GRIK4: variants seen among roughly 807,000 people sequenced by gnomAD.
GRIK4 encodes glutamate ionotropic receptor kainate type subunit 4.
Under a neutral mutation model 104.9 loss-of-function variants are expected in GRIK4, and 40 were observed. That is an observed-to-expected ratio of 0.38 (90% confidence interval 0.30 to 0.50). The LOEUF (loss-of-function observed/expected upper bound fraction) is 0.50. GRIK4 is among the 20% of genes least tolerant of loss of function. The probability of loss-of-function intolerance (pLI) is 0.93; values close to 1 mark genes in which losing one functional copy is unlikely to be tolerated. For missense variants in GRIK4, 1,047 were observed against 1,308.1 expected, an observed-to-expected ratio of 0.80 and a Z score of 3.08; for synonymous variants, 485 against 524.9, an observed-to-expected ratio of 0.92 and a Z score of 1.04.
In GRIK4 at chr11:120,952,844, TC is replaced by T; in HGVS notation, c.1591-9del. 6.3e-7 allele frequency: 1 copy of T among 1,588,838 alleles called. No individual in the cohort carries two copies. ...ATGTGCGGTGAATCTTGTTTTTCTCTCCATTTCCAGGGACGCAAACCCGGCT... is the reference window on the plus strand; with the variant it reads ...ATGTGCGGTGAATCTTGTTTTTCTCTCATTTCCAGGGACGCAAACCCGGCT... On this transcript the variant is annotated splice_polypyrimidine_tract_variant and intron_variant, in intron 14 of 20. Coordinates refer to ENST00000527524, the MANE Select transcript of GRIK4 (RefSeq NM_014619.5). This position sits in a 1 kb window ranked among gnomAD's most constrained non-coding sequence, Gnocchi z 5.2.
chr11:120,969,108 G>C (rs1218945073), intron 19 of GRIK4, among the ~76,000 whole-genome samples: 5 of 152,186 alleles, frequency 3.3e-5, no homozygotes, highest in Admixed American at 2.0e-4. Context: ...CTGGGAATAA[G>C]AAAGCTCTAC....
intron 3 of GRIK4, among the ~76,000 whole-genome samples, chr11:120,765,043 A>T (rs1245173913): frequency 6.6e-6 from 1 of 151,986 alleles, no homozygotes; most frequent in African/African-American, 2.4e-5. Flanking sequence ...TAATATCCTG[A>T]TGTGTGTTTT....
intron 1 of GRIK4, among the ~76,000 whole-genome samples, chr11:120,590,791 C>T (rs1948723746): frequency 6.6e-6 from 1 of 152,094 alleles, no homozygotes; most frequent in African/African-American, 2.4e-5. Context: ...TAGTATATGC[C>T]AGGCACCTTG....
At chr11:120,845,266 A>T (rs1191386276) in intron 8 of GRIK4, among the ~76,000 whole-genome samples, 1 of 152,346 alleles carries the variant, frequency 6.6e-6, no homozygotes, top group Non-Finnish European at 1.5e-5. Flanking sequence ...GCCCTGCCGT[A>T]CATTAGATGT....
intron 18 of GRIK4, among the ~76,000 whole-genome samples, chr11:120,965,129 A>C (rs149547332): frequency 5.3e-4 from 80 of 152,352 alleles, no homozygotes; most frequent in African/African-American, 1.6e-3. Context: ...ACTATGGAAT[A>C]AGCAATGTGG....
intron 3 of GRIK4, among the ~76,000 whole-genome samples, chr11:120,771,761 C>A (rs895973827): frequency 1.3e-5 from 2 of 152,200 alleles, no homozygotes; most frequent in African/African-American, 4.8e-5. Flanking sequence ...ACTATAGCTG[C>A]CCCAGGTGTG....
intron 3 of GRIK4, among the ~76,000 whole-genome samples, chr11:120,715,641 C>T (rs1343575040): frequency 3.3e-5 from 5 of 152,232 alleles, no homozygotes; most frequent in African/African-American, 9.6e-5. Flanking sequence ...GTATGGAGAA[C>T]GACATTTGCA....
chr11:120,734,308 T>C (rs1356558772), intron 3 of GRIK4, among the ~76,000 whole-genome samples: 1 of 152,182 alleles, frequency 6.6e-6, no homozygotes, highest in Non-Finnish European at 1.5e-5. Context: ...TTTCACTGAA[T>C]ATATTATTCT....
At chr11:120,702,853 A>C (rs1950574789) in intron 3 of GRIK4, among the ~76,000 whole-genome samples, 1 of 152,248 alleles carries the variant, frequency 6.6e-6, no homozygotes, top group Non-Finnish European at 1.5e-5. Context: ...TCAGCCCTGC[A>C]GAAAGCAGGA....
intron 3 of GRIK4, among the ~76,000 whole-genome samples, chr11:120,675,330 G>A (rs529286871): frequency 7.4e-4 from 112 of 152,284 alleles, no homozygotes; most frequent in African/African-American, 2.6e-3. Context: ...TCCCTTCTGG[G>A]TCTGGAGTTC....
chr11:120,709,316 T>C (rs1950684927), intron 3 of GRIK4, among the ~76,000 whole-genome samples: 1 of 151,980 alleles, frequency 6.6e-6, no homozygotes, highest in South Asian at 2.1e-4. Flanking sequence ...CTCACCTCCG[T>C]TGAGCACCTG....
chr11:120,639,974 G>C (rs1949450238), intron 1 of GRIK4, among the ~76,000 whole-genome samples: 1 of 152,088 alleles, frequency 6.6e-6, no homozygotes, highest in Non-Finnish European at 1.5e-5. Context: ...CTTTGGATCA[G>C]GAAAGATCCC....
At chr11:120,729,724 T>C (rs1951095696) in intron 3 of GRIK4, among the ~76,000 whole-genome samples, 1 of 152,194 alleles carries the variant, frequency 6.6e-6, no homozygotes. Context: ...CTCTTCAGTT[T>C]GCTGACTGTT....
At chr11:120,928,943 G>A (rs1485813547) in intron 13 of GRIK4, among the ~76,000 whole-genome samples, 1 of 151,436 alleles carries the variant, frequency 6.6e-6, no homozygotes, top group East Asian at 2.0e-4. Flanking sequence ...ACATGGGCTC[G>A]CACTGGTTAG....
chr11:120,878,158 C>A (rs556443559), intron 11 of GRIK4, among the ~76,000 whole-genome samples: 1 of 152,208 alleles, frequency 6.6e-6, no homozygotes, highest in South Asian at 2.1e-4. Flanking sequence ...TCCTCCACAG[C>A]GGCTGCAGTT....
intron 1 of GRIK4, among the ~76,000 whole-genome samples, chr11:120,606,135 G>A (rs948512468): frequency 2.0e-5 from 3 of 152,026 alleles, no homozygotes; most frequent in Admixed American, 6.6e-5. Flanking sequence ...TATTAAATAC[G>A]TCCATTTATT....
At chr11:120,731,767 T>G (rs571667026) in intron 3 of GRIK4, among the ~76,000 whole-genome samples, 1 of 152,172 alleles carries the variant, frequency 6.6e-6, no homozygotes. Context: ...GGTTTTGGAT[T>G]TCCTCCTGGT....
chr11:120,706,431 G>T (rs1355030154), intron 3 of GRIK4, among the ~76,000 whole-genome samples: 2 of 152,202 alleles, frequency 1.3e-5, no homozygotes, highest in African/African-American at 4.8e-5. Flanking sequence ...GTGTGCACGT[G>T]TGGATGTGGC....
chr11:120,930,413 G>A (rs1157364329), intron 13 of GRIK4, among the ~76,000 whole-genome samples: 1 of 152,168 alleles, frequency 6.6e-6, no homozygotes, highest in Non-Finnish European at 1.5e-5. Context: ...GCTTTGTGTG[G>A]GTTGCTCATT....
Sources: allele counts gnomAD v4.1 joint callset (sites outside exome capture counted in the v4.1 genomes callset), GRCh38; gene constraint gnomAD v4.1.1; non-coding constraint Gnocchi (gnomAD v3.1); transcripts MANE v1.5; gene names NCBI Gene and HGNC (gene_info 2026-07-23, HGNC 2026-07-21).